The following CNNM1 variants were observed in gnomAD, a reference collection of about 807,000 sequenced individuals.
CNNM1 encodes cyclin and CBS domain divalent metal cation transport mediator 1, also known as metal transporter CNNM1.
A neutral mutation model predicts 78.8 loss-of-function variants in CNNM1; 44 were observed. That is an observed-to-expected ratio of 0.56 (90% CI 0.44 to 0.72). CNNM1 has a LOEUF of 0.72. CNNM1 is among the 30% of genes least tolerant of loss of function. The probability of loss-of-function intolerance (pLI) is 0.00; values close to 1 mark genes in which losing one functional copy is unlikely to be tolerated. For synonymous variants in CNNM1, 584 were observed against 581.5 expected (o/e 1.00, Z -0.06); for missense variants, 1,101 against 1,292.2 (o/e 0.85, Z 2.27).
chr10:99,357,604 A>G lies in CNNM1; in HGVS notation c.1666A>G (p.Ile556Val). 1.2e-6 allele frequency: 2 copies of G among 1,613,668 alleles called. No homozygotes were observed. Among genetic ancestry groups the G allele is most frequent in the East Asian group, 2.2e-5 (1 of 44,862 alleles). The change falls in exon 2 of 11, where the codon ATC (isoleucine) becomes GTC (valine). Residue 556 changes from isoleucine (I) to valine (V), a missense_variant. This residue lies in a region of CNNM1 where 277 missense variants were observed against 423.2 expected (regional missense o/e 0.65). Coordinates refer to ENST00000356713, the MANE Select transcript of CNNM1 (RefSeq NM_020348.3). The stretch of plus-strand genomic sequence containing the variant: ...GATGGGCATTGTCACGCTGGAGGAT[A>G]TCATAGAGGAGATTATCAAGTCGGA... ...EVMGIVTLEDIIEEIIKSEIL... is the reference protein window; with the variant it reads ...EVMGIVTLEDVIEEIIKSEIL...
chr10:99,370,669 C>T (rs981252608), intron 6 of CNNM1, among the ~76,000 whole-genome samples: 1 of 152,196 alleles, frequency 6.6e-6, no homozygotes, highest in African/African-American at 2.4e-5. Flanking sequence ...ATCGTCCATT[C>T]ATAGTGTGCA....
At chr10:99,373,354 C>T (rs2031862981) in intron 6 of CNNM1, among the ~76,000 whole-genome samples, 1 of 152,128 alleles carries the variant, frequency 6.6e-6, no homozygotes, top group South Asian at 2.1e-4. Flanking sequence ...TTGGTTATGT[C>T]CAAACTGAGT....
intron 2 of CNNM1, among the ~76,000 whole-genome samples, chr10:99,359,431 A>G (rs1041349027): frequency 5.9e-5 from 9 of 152,186 alleles, no homozygotes; most frequent in African/African-American, 2.2e-4. Context: ...AGCTATGAAA[A>G]GGCCCAGAAG....
intron 1 of CNNM1, among the ~76,000 whole-genome samples, chr10:99,346,133 G>T (rs548316054): frequency 6.6e-6 from 1 of 152,294 alleles, no homozygotes; most frequent in South Asian, 2.1e-4. Flanking sequence ...AGTCTTAAAT[G>T]ATCCTCCTAC....
Position 99,330,691 on chromosome 10 carries a change from C to G in CNNM1, c.1304C>G (p.Pro435Arg). 1.2e-6 allele frequency: 2 copies of G among 1,613,974 alleles called. No individual in the cohort carries two copies. The highest frequency in any genetic ancestry group is 2.2e-5 in the East Asian group (1 of 44,870). ...AAAGTTGTGGAGGAGGTGCTGACCCCCCTGGGAGACTGCTTCATGCTGCGC... is the reference window on the plus strand; with the variant it reads ...AAAGTTGTGGAGGAGGTGCTGACCCGCCTGGGAGACTGCTTCATGCTGCGC... ...RTKVVEEVLT[P>R]LGDCFMLRSD... Residue 435 changes from proline to arginine, a missense_variant, in exon 1 of 11, where the codon CCC (proline) becomes CGC (arginine). Transcript: ENST00000356713.
rs148252928 is a variant in CNNM1, at chr10:99,381,453, C to T, written c.2340+4235C>T. On this transcript the variant is annotated intron_variant, in intron 7 of 10. Coordinates refer to ENST00000356713, the MANE Select transcript of CNNM1 (RefSeq NM_020348.3). ...AAAAAAAAGAGTGTTATTCAAAAACCTCTTTAGGCCAGGCGCGGTGGCTCA... is the reference window on the plus strand; with the variant it reads ...AAAAAAAAGAGTGTTATTCAAAAACTTCTTTAGGCCAGGCGCGGTGGCTCA... Among the ~76,000 whole-genome samples, 630 of 147,834 alleles carry T rather than the reference C, an allele frequency of 4.3e-3. 5 individuals are homozygous for T. The highest frequency in any genetic ancestry group is 0.015 in the African/African-American group (602 of 40,106).
intron 7 of CNNM1, among the ~76,000 whole-genome samples, chr10:99,383,498 TCCTGA>T (rs888882446): frequency 7.9e-5 from 12 of 152,172 alleles, no homozygotes; most frequent in African/African-American, 2.9e-4. Context: ...GATCTCGAAC[TCCTGA>T]CCTTGTGATC....
chr10:99,353,191 A>G (rs1375346486), intron 1 of CNNM1, among the ~76,000 whole-genome samples: 5 of 152,170 alleles, frequency 3.3e-5, no homozygotes. Flanking sequence ...TAAGAGTTGT[A>G]AGATTTTGAT....
chr10:99,394,249 AAAG>A lies in CNNM1; in HGVS notation c.*2735_*2737del, dbSNP rs989211851. 3.8e-4 allele frequency: 58 copies of A among 152,608 alleles called. 1 individual carries two copies. The highest frequency in any genetic ancestry group is 1.4e-3 in the African/African-American group (58 of 41,580). 9.5% of individuals were successfully genotyped at this position (152,608 alleles called of 1,614,324 possible). A position where few individuals can be genotyped will look rare whatever the true frequency, so the allele number is the denominator to read the frequency against. The stretch of plus-strand genomic sequence containing the variant: ...TCAGGTTAAAAAAAAAGTTTAAAAA[AAAG>A]ATTTTAAAATAAAGCATTTATGAAG... On this transcript the variant is annotated 3_prime_UTR_variant, in exon 11 of 11. Coordinates refer to ENST00000356713, the MANE Select transcript of CNNM1 (RefSeq NM_020348.3).
intron 7 of CNNM1, among the ~76,000 whole-genome samples, chr10:99,383,685 G>C (rs2032223317): frequency 1.3e-5 from 2 of 152,212 alleles, no homozygotes; most frequent in South Asian, 2.1e-4. Flanking sequence ...AAGGCAAGTA[G>C]ACATGGCGCA....
At chr10:99,362,145 C>A in intron 3 of CNNM1, 82 bp from the exon 4 acceptor site, 1 of 1,361,546 alleles carries the variant, frequency 7.3e-7, no homozygotes, top group Admixed American at 2.5e-5. Context: ...TGTGCCCACT[C>A]TGACTCCTCC....
intron 2 of CNNM1, among the ~76,000 whole-genome samples, chr10:99,358,363 T>C (rs1053238676): frequency 1.4e-4 from 22 of 152,242 alleles, no homozygotes; most frequent in African/African-American, 5.3e-4. Context: ...TACAAAGGCA[T>C]GCTTTGTCTT....
chr10:99,370,800 A>C lies in CNNM1; in HGVS notation c.2176+5798A>C, dbSNP rs2031775469. Among the ~76,000 whole-genome samples the C allele has an allele frequency of 1.3e-5, 2 of 152,236 alleles. 1 individual carries two copies. The highest frequency in any genetic ancestry group is 4.1e-4 in the South Asian group (2 of 4,832). ...TTCTGATCCAGATACATTAATTTAC[A>C]TATATGCTAAATCTCAACCGTATCT... On this transcript the variant is annotated intron_variant, in intron 6 of 10. Transcript: ENST00000356713.
intron 1 of CNNM1, among the ~76,000 whole-genome samples, chr10:99,341,091 A>G (rs959415234): frequency 1.3e-5 from 2 of 152,160 alleles, no homozygotes; most frequent in African/African-American, 2.4e-5. Context: ...TGAACATATA[A>G]TAGATAGACT....
intron 6 of CNNM1, among the ~76,000 whole-genome samples, chr10:99,375,866 A>G (rs577824417): frequency 6.6e-6 from 1 of 152,178 alleles, no homozygotes; most frequent in East Asian, 1.9e-4. Context: ...TTTGCAGTCT[A>G]TCACTTGGGG....
In CNNM1 at chr10:99,377,136, A is replaced by G. The variant is rs749756590; in HGVS notation, c.2258A>G (p.Asn753Ser). The change falls in exon 7 of 11, where the codon AAC (asparagine) becomes AGC (serine). Residue 753 changes from asparagine (N) to serine (S), a missense_variant. Asn to Ser is a conservative substitution (Grantham distance 46, BLOSUM62 1). This residue lies in a region of CNNM1 where 348 missense variants were observed against 384.5 expected (regional missense o/e 0.90). Transcript: ENST00000356713. ...NRERSDFGGS[N>S]TQLYSSSNNL... is the part of the protein sequence containing the mutation. Reference sequence around the variant, plus strand: ...GAGCGCAGTGACTTTGGGGGCAGCAACACCCAGCTGTACAGCAGCAGCAAC... The same window carrying G: ...GAGCGCAGTGACTTTGGGGGCAGCAGCACCCAGCTGTACAGCAGCAGCAAC... 6.2e-7 allele frequency: 1 copy of G among 1,612,484 alleles called. No individual in the cohort carries two copies. The highest frequency in any genetic ancestry group is 8.5e-7 in the Non-Finnish European group (1 of 1,179,366).
intron 1 of CNNM1, among the ~76,000 whole-genome samples, chr10:99,343,891 TG>T (rs1395362624): frequency 1.3e-4 from 19 of 151,376 alleles, no homozygotes; most frequent in Non-Finnish European, 2.7e-4. Flanking sequence ...ATTTTTGTTT[TG>T]TTTTTTTTTC....
At position 99,348,048 on chromosome 10, in the gene CNNM1, A is replaced by ATT. The variant is rs527803469; in HGVS notation, c.1574-9463_1574-9462insTT. Reference sequence around the variant, plus strand: ...TGTGTGTGTGTGTGTGTATATATATATATTTTTTTTTTTTGAGACAACATC... The same window carrying ATT: ...TGTGTGTGTGTGTGTGTATATATATATTTATTTTTTTTTTTTGAGACAACATC... On this transcript the variant is annotated intron_variant, in intron 1 of 10. Coordinates refer to ENST00000356713, the MANE Select transcript of CNNM1 (RefSeq NM_020348.3). Among the ~76,000 whole-genome samples the ATT allele has an allele frequency of 1.4e-3, 189 of 132,882 alleles. 1 individual carries two copies. Among genetic ancestry groups the ATT allele is most frequent in the African/African-American group, 3.6e-3 (102 of 28,614 alleles). The allele number at this position is 132,882 out of a possible 152,430, so 87.2% of individuals were successfully genotyped here. A position where few individuals can be genotyped will look rare whatever the true frequency, so the allele number is the denominator to read the frequency against.
At chr10:99,335,508 T>C (rs1194320467) in intron 1 of CNNM1, among the ~76,000 whole-genome samples, 1 of 152,220 alleles carries the variant, frequency 6.6e-6, no homozygotes, top group Non-Finnish European at 1.5e-5. Context: ...ACCTAACTTC[T>C]ATATTTCTAT....
Sources: gnomAD v4.1 joint callset for allele counts (sites outside exome capture counted in the v4.1 genomes callset) on GRCh38, gnomAD v4.1.1 for gene constraint, gnomAD v4.1.1 regional missense constraint, MANE v1.5 for transcripts, NCBI Gene and HGNC (gene_info 2026-07-23, HGNC 2026-07-21) for gene names.